Variants in SNAPC3 observed in about 807,000 individuals in gnomAD.
SNAPC3 encodes the protein snRNA-activating protein complex subunit 3.
Under a neutral mutation model 47.7 loss-of-function variants are expected in SNAPC3, and 56 were observed. The ratio of observed to expected loss-of-function variants is 1.18; its 90% CI spans 0.95 to 1.47. The LOEUF (loss-of-function observed/expected upper bound fraction) is 1.47. SNAPC3 is among the 40% of genes most tolerant of loss of function. The pLI, the probability that SNAPC3 is intolerant of heterozygous loss-of-function variation, is 0.00. For missense variants in SNAPC3, 665 were observed against 511.3 expected (o/e 1.30, Z -2.90); for synonymous variants, 235 against 189.9 (o/e 1.24, Z -1.95).
downstream of SNAPC3, chr9:15,464,269 T>TATC (rs1349585475): frequency 5.2e-6 from 1 of 193,956 alleles, no homozygotes; most frequent in Non-Finnish European, 1.1e-5. Flanking sequence ...TGAAAACAGT[T>TATC]ATCTCAGAGG....
chr9:15,465,396 T>C (rs1461492913), downstream of SNAPC3: 2 of 802,714 alleles, frequency 2.5e-6, no homozygotes, highest in Non-Finnish European at 4.0e-6. Context: ...AGGGATTTTC[T>C]CCCTCAAAAC....
intron 3 of SNAPC3, among the ~76,000 whole-genome samples, chr9:15,438,296 C>T (rs577588590): frequency 6.6e-6 from 1 of 152,132 alleles, no homozygotes; most frequent in East Asian, 1.9e-4. Flanking sequence ...TCTTCTAATC[C>T]TTTTTTTCCT....
intron 3 of SNAPC3, among the ~76,000 whole-genome samples, chr9:15,442,426 C>T (rs566488124): frequency 1.5e-4 from 22 of 147,930 alleles, no homozygotes; most frequent in South Asian, 1.1e-3. Context: ...GGGCGGCTGC[C>T]GGGCGGAGGG....
chr9:15,425,033 A>C (rs1370581401), intron 2 of SNAPC3, among the ~76,000 whole-genome samples: 5 of 152,212 alleles, frequency 3.3e-5, no homozygotes, highest in Admixed American at 6.5e-5. Context: ...TTTGCTTAAA[A>C]ATGGTCTATG....
At chr9:15,448,387 GTC>G (rs144398343) in intron 5 of SNAPC3, among the ~76,000 whole-genome samples, 1,641 of 152,090 alleles carry the variant, frequency 0.011, 27 homozygotes, top group African/African-American at 0.037. Flanking sequence ...ACTTTTTCAT[GTC>G]TCTGAGTATT....
chr9:15,462,155 G>A (rs1210697171), downstream of SNAPC3: 1 of 152,116 alleles, frequency 6.6e-6, no homozygotes, highest in Non-Finnish European at 1.5e-5. Flanking sequence ...TATTCCATGT[G>A]TGGTGTCAAT....
At chr9:15,429,177 A>G (rs2031831020) in intron 2 of SNAPC3, among the ~76,000 whole-genome samples, 1 of 151,874 alleles carries the variant, frequency 6.6e-6, no homozygotes, top group Admixed American at 6.5e-5. Flanking sequence ...ATACAAAGCA[A>G]GGCAACATAG....
At chr9:15,441,384 T>C (rs1013277584) in intron 3 of SNAPC3, among the ~76,000 whole-genome samples, 3 of 11,754 alleles carry the variant, frequency 2.6e-4, no homozygotes, top group Non-Finnish European at 6.0e-4. Flanking sequence ...TTCCCTTTTC[T>C]TTTTTTTTTT....
intron 4 of SNAPC3, among the ~76,000 whole-genome samples, chr9:15,446,417 G>A (rs2033934714): frequency 6.6e-6 from 1 of 152,170 alleles, no homozygotes; most frequent in African/African-American, 2.4e-5. Flanking sequence ...ATGTTGCCCA[G>A]GTTGATCTTG....
In SNAPC3 at chr9:15,423,009, G is replaced by T. The variant is rs763212688; in HGVS notation, c.130G>T (p.Val44Leu). 4.5e-6 allele frequency: 7 copies of T among 1,547,178 alleles called. No individual in the cohort carries two copies. In the African/African-American group the frequency reaches 5.7e-5, roughly 13 times the overall value. ...LPELNTRAFHVGAFGELWRGR... is the reference protein window; with the variant it reads ...LPELNTRAFHLGAFGELWRGR... ...CGAGCTAAATACGCGCGCTTTCCAT[G>T]TGGGCGCCTTTGGGGAGCTGTGGCG... Residue 44 changes from valine (V) to leucine (L), a missense_variant, in exon 1 of 9, where the codon GTG becomes TTG. By Grantham distance (32) the Val-to-Leu change is conservative. Transcript: ENST00000380821.
intron 2 of SNAPC3, among the ~76,000 whole-genome samples, chr9:15,426,391 C>T (rs1036738465): frequency 2.6e-5 from 4 of 152,178 alleles, no homozygotes; most frequent in Admixed American, 2.6e-4. Context: ...TATTGAAATG[C>T]TCATCACATC....
At position 15,428,500 on chromosome 9, in the gene SNAPC3, C is replaced by G. The variant is rs2031740506; in HGVS notation, c.392+4514C>G. Among the ~76,000 whole-genome samples, 4 of 107,862 alleles carry G rather than the reference C, an allele frequency of 3.7e-5. No homozygotes were observed. In the South Asian group the frequency reaches 1.1e-3, roughly 30 times the overall value. The allele number at this position is 107,862 out of a possible 152,430, so 70.8% of individuals were successfully genotyped here. On this transcript the variant is annotated intron_variant, in intron 2 of 8. Coordinates refer to ENST00000380821, the MANE Select transcript of SNAPC3 (RefSeq NM_001039697.2). ...CTCCAGCCTGGGCGACACAGCGAGA[C>G]TCTGTCTCAAAAAAAAAAAAAAAGA...
At chr9:15,441,427 T>A (rs1490042909) in intron 3 of SNAPC3, among the ~76,000 whole-genome samples, 1 of 147,456 alleles carries the variant, frequency 6.8e-6, no homozygotes, top group Non-Finnish European at 1.5e-5. Flanking sequence ...TGATCATTCT[T>A]GGGTGTTTCT....
chr9:15,466,603 T>C (rs2035643301), downstream of SNAPC3: 1 of 611,136 alleles, frequency 1.6e-6, no homozygotes, highest in Non-Finnish European at 2.7e-6. Context: ...TTCTTCCTTT[T>C]TGAATTGTAA....
At chr9:15,423,218 T>G (rs1587117370) in intron 1 of SNAPC3, 25 bp downstream of exon 1, 1 of 1,553,942 alleles carries the variant, frequency 6.4e-7, no homozygotes, top group African/African-American at 1.4e-5. Flanking sequence ...AAGGGGCTCT[T>G]GCAGCTTGGG....
intron 7 of SNAPC3, among the ~76,000 whole-genome samples, chr9:15,456,270 A>G (rs1467380987): frequency 6.6e-6 from 1 of 152,124 alleles, no homozygotes; most frequent in African/African-American, 2.4e-5. Flanking sequence ...TCGGCCTCCC[A>G]AAGTGCTGGG....
chr9:15,435,312 C>G (rs1194036757), intron 3 of SNAPC3, among the ~76,000 whole-genome samples: 1 of 152,298 alleles, frequency 6.6e-6, no homozygotes, highest in East Asian at 1.9e-4. Context: ...ATGGCTAACG[C>G]TTGTAATCCC....
intron 4 of SNAPC3, 72 bp from the exon 5 acceptor site, chr9:15,447,023 C>G (rs188819483): frequency 1.2e-5 from 15 of 1,252,408 alleles, no homozygotes; most frequent in Non-Finnish European, 1.7e-5. Flanking sequence ...TAATTTTGAT[C>G]TAGTCATGAC....
intron 3 of SNAPC3, among the ~76,000 whole-genome samples, chr9:15,437,629 T>G (rs2032951039): frequency 6.6e-6 from 1 of 151,776 alleles, no homozygotes; most frequent in Non-Finnish European, 1.5e-5. Context: ...GTTGTTTTTT[T>G]TTTTTTTTTG....
Sources: allele counts gnomAD v4.1 joint callset (sites outside exome capture counted in the v4.1 genomes callset), GRCh38; gene constraint gnomAD v4.1.1; transcripts MANE v1.5; gene names NCBI Gene and HGNC (gene_info 2026-07-23, HGNC 2026-07-21).